CACNA1B: variants seen among roughly 807,000 people sequenced by gnomAD.
CACNA1B encodes the protein calcium voltage-gated channel subunit alpha1 B, also known as voltage-dependent N-type calcium channel subunit alpha-1B.
Under a neutral mutation model 247.2 loss-of-function variants are expected in CACNA1B, and 70 were observed. That is an observed-to-expected ratio of 0.28 (90% CI 0.23 to 0.35). The LOEUF is 0.35. Ranked by LOEUF, CACNA1B falls within the 10% of genes least tolerant of loss-of-function variation. The probability of loss-of-function intolerance (pLI) is 1.00; values close to 1 mark genes in which losing one functional copy is unlikely to be tolerated. For synonymous variants in CACNA1B, 1,231 were observed against 1,294.4 expected (o/e 0.95, Z 1.05); for missense variants, 2,367 against 3,197.4 (o/e 0.74, Z 6.26).
intron 31 of CACNA1B, 86 bp from the exon 32 acceptor site, chr9:138,069,672 C>T (rs1469254230): frequency 5.1e-6 from 5 of 983,892 alleles, no homozygotes; most frequent in East Asian, 4.9e-5. Flanking sequence ...CCCATGTCTC[C>T]GTCTGTATGT....
rs1180806081 is a variant in CACNA1B at position 138,007,389 on chromosome 9, C to T, written c.2092+505C>T. Among the ~76,000 whole-genome samples the T allele has an allele frequency of 1.5e-5, 2 of 137,252 alleles. No individual in the cohort carries two copies. The highest frequency in any genetic ancestry group is 6.5e-5 in the African/African-American group (2 of 30,598). The allele number at this position is 137,252 out of a possible 152,430, so 90.0% of individuals were successfully genotyped here. On this transcript the variant is annotated intron_variant, in intron 16 of 46. Transcript: ENST00000371372. The surrounding 1 kb of genome is among the most constrained non-coding windows in gnomAD (Gnocchi z 4.1). ...TCTGTGGGGTCAGAGCGAGCCCAGCCGCCGGTGGTGAGCTCTGCCCTAGCA... is the reference window on the plus strand; with the variant it reads ...TCTGTGGGGTCAGAGCGAGCCCAGCTGCCGGTGGTGAGCTCTGCCCTAGCA...
Position 137,986,649 on chromosome 9 carries a change from G to C in CACNA1B, c.1901+105G>C. On this transcript the variant is annotated intron_variant, in intron 14 of 46. Coordinates refer to ENST00000371372, the MANE Select transcript of CACNA1B (RefSeq NM_000718.4). The surrounding 1 kb of genome is among the most constrained non-coding windows in gnomAD (Gnocchi z 6.0). ...CTGCCTCCACCCACCTTCCCACCAG[G>C]AAGGTCCTCAGAGGGGCCAGTGTGC... 2 of 1,490,972 alleles carry C rather than the reference G, an allele frequency of 1.3e-6. No individual in the cohort carries two copies. The highest frequency in any genetic ancestry group is 1.9e-6 in the Non-Finnish European group (2 of 1,072,114). 92.4% of individuals were successfully genotyped at this position (1,490,972 alleles called of 1,614,324 possible).
rs551300417 is a variant in CACNA1B, at chr9:137,895,345, A to G, written c.530+12462A>G. 2.0e-5 allele frequency among the ~76,000 whole-genome samples: 3 copies of G among 152,300 alleles called. No individual in the cohort carries two copies. The South Asian group carries it at 6.2e-4, about 32-fold the overall frequency. ...TCTAGGTACTTTGCCTTTCATATACATTTTAGAATAATCTTGTCAATATAT... is the reference window on the plus strand; with the variant it reads ...TCTAGGTACTTTGCCTTTCATATACGTTTTAGAATAATCTTGTCAATATAT... On this transcript the variant is annotated intron_variant, in intron 3 of 46. Coordinates refer to ENST00000371372, the MANE Select transcript of CACNA1B (RefSeq NM_000718.4).
chr9:137,909,146 A>G (rs1040353213), intron 3 of CACNA1B, among the ~76,000 whole-genome samples: 2 of 151,790 alleles, frequency 1.3e-5, no homozygotes, highest in African/African-American at 2.4e-5. Context: ...ATGCACCACC[A>G]CGCCTGGCTA....
At chr9:138,061,855 G>T (rs1210368083) in intron 31 of CACNA1B, among the ~76,000 whole-genome samples, 2 of 152,240 alleles carry the variant, frequency 1.3e-5, no homozygotes, top group African/African-American at 4.8e-5. Context: ...TGGAAGCCCA[G>T]TGTTGCTGTC....
rs1957920653 is a variant in CACNA1B, at chr9:137,954,495, C to T, written c.1071-1203C>T. On this transcript the variant is annotated intron_variant, in intron 7 of 46. Transcript: ENST00000371372. This position sits in a 1 kb window ranked among gnomAD's most constrained non-coding sequence, Gnocchi z 4.1. Reference sequence around the variant, plus strand: ...AGAAGCAGCTGCTCTGTGGAGGGGGCCAGACTGCTGGGGGGAGTTGCTGCT... The same window carrying T: ...AGAAGCAGCTGCTCTGTGGAGGGGGTCAGACTGCTGGGGGGAGTTGCTGCT... 6.6e-6 allele frequency among the ~76,000 whole-genome samples: 1 copy of T among 152,162 alleles called. No individual in the cohort carries two copies. The highest frequency in any genetic ancestry group is 2.1e-4 in the South Asian group (1 of 4,826).
At chr9:138,024,844 G>C (rs1353028122) in intron 19 of CACNA1B, 111 bp from the exon 20 acceptor site, 1 of 727,926 alleles carries the variant, frequency 1.4e-6, no homozygotes, top group Non-Finnish European at 2.4e-6. Flanking sequence ...ATATTCCCCA[G>C]GCTGGTCTTG....
chr9:137,895,756 T>C (rs1287845431), intron 3 of CACNA1B, among the ~76,000 whole-genome samples: 1 of 152,250 alleles, frequency 6.6e-6, no homozygotes, highest in Non-Finnish European at 1.5e-5. Context: ...ATTTCCTATG[T>C]TGACAAACAC....
chr9:137,900,799 G>A (rs1222496975), intron 3 of CACNA1B, among the ~76,000 whole-genome samples: 1 of 139,620 alleles, frequency 7.2e-6, no homozygotes, highest in Non-Finnish European at 1.5e-5. Flanking sequence ...GTCTGTGTGT[G>A]TACCGTGTGT....
chr9:138,028,168 G>A (rs1165736609), intron 20 of CACNA1B, among the ~76,000 whole-genome samples: 4 of 150,756 alleles, frequency 2.7e-5, no homozygotes, highest in African/African-American at 7.3e-5. Flanking sequence ...GATTACAGGC[G>A]CCCACCACCA....
chr9:137,935,210 A>T (rs1195067481), intron 6 of CACNA1B, among the ~76,000 whole-genome samples: 1 of 152,110 alleles, frequency 6.6e-6, no homozygotes, highest in Non-Finnish European at 1.5e-5. Flanking sequence ...TCGTTAACTC[A>T]TCATTTACAT....
chr9:138,062,203 C>G (rs1173880141), intron 31 of CACNA1B, among the ~76,000 whole-genome samples: 1 of 152,178 alleles, frequency 6.6e-6, no homozygotes, highest in Middle Eastern at 3.4e-3. Context: ...AACTTGTTTT[C>G]CCCCCCACAC....
chr9:138,105,872 C>A, intron 39 of CACNA1B, 65 bp downstream of exon 39: 1 of 899,560 alleles, frequency 1.1e-6, no homozygotes. Flanking sequence ...CCCTCAGTGT[C>A]AGCCCCAGGA....
rs774385792 is a variant in CACNA1B, at chr9:138,069,723, A to G, written c.4669-35A>G. On this transcript the variant is annotated intron_variant, in intron 31 of 46. Coordinates refer to ENST00000371372, the MANE Select transcript of CACNA1B (RefSeq NM_000718.4). ...CAAACCTCCCCAATTTGTAAATAAT[A>G]TGCAAATATCCATCCATGAAAACAT... 5 of 1,572,760 alleles carry G rather than the reference A, an allele frequency of 3.2e-6. No homozygotes were observed. The East Asian group carries it at 1.1e-4, about 35-fold the overall frequency.
In CACNA1B at chr9:138,025,192, A is replaced by G. The variant is rs764097579; in HGVS notation, c.3286+20A>G. Reference sequence around the variant, plus strand: ...TTCCCAGTGAGTATCTCCCTGTGCCAGTGGGGCAGGGCCCATCTTGTGCAG... The same window carrying G: ...TTCCCAGTGAGTATCTCCCTGTGCCGGTGGGGCAGGGCCCATCTTGTGCAG... On this transcript the variant is annotated intron_variant, in intron 20 of 46. Coordinates refer to ENST00000371372, the MANE Select transcript of CACNA1B (RefSeq NM_000718.4). The G allele has an allele frequency of 1.9e-6, 3 of 1,551,570 alleles. No individual in the cohort carries two copies. Among genetic ancestry groups the G allele is most frequent in the Non-Finnish European group, 2.6e-6 (3 of 1,133,030 alleles).
Position 138,052,227 on chromosome 9 carries a change from TGTGTGTGC to T in CACNA1B, c.3807+47_3807+54del. On this transcript the variant is annotated intron_variant, in intron 25 of 46. Transcript: ENST00000371372. The surrounding 1 kb of genome is among the most constrained non-coding windows in gnomAD (Gnocchi z 5.1). ...GTTGGGGCTTGAGGGATGTGCTGTG[TGTGTGTGC>T]GTGTGTGTGTGTGCGTGTGTGTGTG... 9.7e-7 allele frequency: 1 copy of T among 1,033,106 alleles called. No individual in the cohort carries two copies. Among genetic ancestry groups the T allele is most frequent in the Non-Finnish European group, 1.5e-6 (1 of 673,984 alleles). The allele number at this position is 1,033,106 out of a possible 1,614,324, so 64.0% of individuals were successfully genotyped here.
intron 3 of CACNA1B, among the ~76,000 whole-genome samples, chr9:137,887,349 CA>C (rs1448972965): frequency 1.3e-5 from 2 of 151,086 alleles, no homozygotes; most frequent in Non-Finnish European, 2.9e-5. Flanking sequence ...GGCAGAGTGA[CA>C]GGGGCAGGGG....
intron 36 of CACNA1B, among the ~76,000 whole-genome samples, chr9:138,084,875 C>A (rs578240090): frequency 6.7e-6 from 1 of 150,190 alleles, no homozygotes; most frequent in South Asian, 2.1e-4. Flanking sequence ...TGGCATGAAC[C>A]TGGGAGGCGG....
intron 18 of CACNA1B, among the ~76,000 whole-genome samples, chr9:138,017,796 C>T (rs374758099): frequency 3.9e-5 from 6 of 152,214 alleles, no homozygotes; most frequent in Admixed American, 1.3e-4. Flanking sequence ...GGCATCCCCT[C>T]GGGCAGCTTC....
Sources: gnomAD v4.1 joint callset for allele counts (sites outside exome capture counted in the v4.1 genomes callset) on GRCh38, gnomAD v4.1.1 for gene constraint, Gnocchi (gnomAD v3.1) non-coding constraint, MANE v1.5 for transcripts, NCBI Gene and HGNC (gene_info 2026-07-23, HGNC 2026-07-21) for gene names.